FAT3: variants seen among roughly 807,000 people sequenced by gnomAD.
FAT3 encodes the protein FAT atypical cadherin 3.
FAT3 carries 95 observed loss-of-function variants against 310.2 expected under a neutral mutation model. The observed-to-expected ratio is 0.31, with a 90% CI of 0.26 to 0.36. FAT3 has a LOEUF of 0.36. Among genes scored for constraint, FAT3 ranks in the 10% least tolerant of loss-of-function variants. The pLI, the probability that FAT3 is intolerant of heterozygous loss-of-function variation, is 1.00. For missense variants in FAT3, 5,408 were observed against 5,715.6 expected, an observed-to-expected ratio of 0.95 and a Z score of 1.74; for synonymous variants, 2,314 against 2,192.9, an observed-to-expected ratio of 1.06 and a Z score of -1.54.
intron 3 of FAT3, among the ~76,000 whole-genome samples, chr11:92,694,119 A>G (rs1017527282): frequency 6.6e-6 from 1 of 152,234 alleles, no homozygotes; most frequent in African/African-American, 2.4e-5. Context: ...TTTTCAGAAT[A>G]TTTACAGAAT....
At chr11:92,506,314 C>T (rs1015720731) in intron 2 of FAT3, among the ~76,000 whole-genome samples, 9 of 152,142 alleles carry the variant, frequency 5.9e-5, no homozygotes, top group South Asian at 2.1e-4. Context: ...CCTTTCTGGA[C>T]GCCTTTCCTC....
intron 3 of FAT3, among the ~76,000 whole-genome samples, chr11:92,601,973 A>G (rs1466486877): frequency 6.6e-6 from 1 of 152,140 alleles, no homozygotes; most frequent in Admixed American, 6.6e-5. Flanking sequence ...TGTTTAGAAC[A>G]TACTTGAATC....
At chr11:92,229,921 A>G (rs998858706) in intron 1 of FAT3, among the ~76,000 whole-genome samples, 2 of 152,056 alleles carry the variant, frequency 1.3e-5, no homozygotes, top group African/African-American at 4.8e-5. Flanking sequence ...CATAAACAAA[A>G]TATTACTTCC....
chr11:92,732,759 A>G (rs901262315), intron 4 of FAT3, among the ~76,000 whole-genome samples: 5 of 152,242 alleles, frequency 3.3e-5, no homozygotes, highest in Non-Finnish European at 7.3e-5. Context: ...AAACATTTAT[A>G]GAGAACCCAT....
intron 1 of FAT3, among the ~76,000 whole-genome samples, chr11:92,307,228 G>A (rs1947165209): frequency 6.8e-6 from 1 of 147,328 alleles, no homozygotes; most frequent in African/African-American, 2.5e-5. Context: ...GCCTGAGGCA[G>A]TTCCATACAA....
chr11:92,474,321 T>C (rs1951990663), intron 2 of FAT3, among the ~76,000 whole-genome samples: 1 of 152,294 alleles, frequency 6.6e-6, no homozygotes, highest in East Asian at 1.9e-4. Flanking sequence ...AGAGGTGATA[T>C]ACAAATATGT....
intron 2 of FAT3, among the ~76,000 whole-genome samples, chr11:92,395,208 T>G (rs1389538256): frequency 6.6e-6 from 1 of 152,244 alleles, no homozygotes; most frequent in African/African-American, 2.4e-5. Flanking sequence ...TTTGTCTTCC[T>G]GTAATGCTGA....
chr11:92,380,492 C>T (rs998161721), intron 2 of FAT3, among the ~76,000 whole-genome samples: 2 of 152,146 alleles, frequency 1.3e-5, no homozygotes, highest in African/African-American at 2.4e-5. Context: ...GACTGTGCTC[C>T]ATCACATGAG....
At chr11:92,530,654 C>A (rs1178639129) in intron 3 of FAT3, among the ~76,000 whole-genome samples, 1 of 151,958 alleles carries the variant, frequency 6.6e-6, no homozygotes. Context: ...TAGAATCAAG[C>A]AGAATTTGTT....
intron 1 of FAT3, among the ~76,000 whole-genome samples, chr11:92,279,597 G>C (rs1389633452): frequency 6.6e-6 from 1 of 152,140 alleles, no homozygotes; most frequent in Non-Finnish European, 1.5e-5. Context: ...ATGGGGGCAT[G>C]GGATATTTTG....
chr11:92,550,031 C>G (rs955269775), intron 3 of FAT3, among the ~76,000 whole-genome samples: 3 of 152,144 alleles, frequency 2.0e-5, no homozygotes, highest in Admixed American at 1.3e-4. Context: ...TAGGATTAAT[C>G]CCACTTCTGA....
intron 1 of FAT3, among the ~76,000 whole-genome samples, chr11:92,298,510 A>G (rs1946906725): frequency 6.6e-6 from 1 of 152,116 alleles, no homozygotes; most frequent in Non-Finnish European, 1.5e-5. Context: ...AAGAAGTGTT[A>G]TTAGATCATT....
intron 2 of FAT3, among the ~76,000 whole-genome samples, chr11:92,502,494 G>A (rs80160451): frequency 2.1e-3 from 322 of 152,172 alleles, no homozygotes; most frequent in African/African-American, 7.4e-3. Flanking sequence ...TCTTATAAGA[G>A]TGATGTCCAA....
At chr11:92,281,956 A>T (rs987592091) in intron 1 of FAT3, among the ~76,000 whole-genome samples, 13 of 151,880 alleles carry the variant, frequency 8.6e-5, no homozygotes, top group African/African-American at 2.9e-4. Context: ...CCCAGACTAG[A>T]GTGCAGTGGT....
chr11:92,652,893 T>C lies in FAT3; in HGVS notation c.3608-44491T>C, dbSNP rs150380516. ...AAATCCCCTTCTCAGACAGGCACAG[T>C]GGCTCACGCCTGTAATCCCAGCAGT... is the stretch of plus-strand genomic sequence containing the variant. On this transcript the variant is annotated intron_variant, in intron 3 of 27. Coordinates refer to ENST00000525166, the MANE Select transcript of FAT3 (RefSeq NM_001367949.2). Among the ~76,000 whole-genome samples, 700 of 152,286 alleles carry C rather than the reference T, an allele frequency of 4.6e-3. 4 individuals carry two copies. The highest frequency in any genetic ancestry group is 0.016 in the African/African-American group (667 of 41,566).
rs1359915818 is a variant in FAT3 at position 92,427,967 on chromosome 11, G to A, written c.3292+72563G>A. 3.3e-5 allele frequency among the ~76,000 whole-genome samples: 5 copies of A among 152,042 alleles called. No homozygotes were observed. In the South Asian group the frequency reaches 6.2e-4, roughly 19 times the overall value. On this transcript the variant is annotated intron_variant, in intron 2 of 27. Transcript: ENST00000525166. The stretch of plus-strand genomic sequence containing the variant: ...GGTATGAACTCCTCTTTGTACCTCT[G>A]GTAGAATTTGGCTGTGAATCCATCT...
intron 4 of FAT3, among the ~76,000 whole-genome samples, chr11:92,711,107 T>G (rs1944506170): frequency 6.6e-6 from 1 of 152,192 alleles, no homozygotes; most frequent in Non-Finnish European, 1.5e-5. Flanking sequence ...TTCCATAAAT[T>G]GATGATTGTG....
At chr11:92,780,212 A>C (rs1360359299) in intron 7 of FAT3, among the ~76,000 whole-genome samples, 1 of 141,902 alleles carries the variant, frequency 7.0e-6, no homozygotes, top group East Asian at 2.0e-4. Flanking sequence ...CCCTGGCTGG[A>C]GTGCAGTGGC....
chr11:92,259,882 G>A (rs1865471101), intron 1 of FAT3, among the ~76,000 whole-genome samples: 1 of 152,068 alleles, frequency 6.6e-6, no homozygotes, highest in Admixed American at 6.6e-5. Context: ...TCTTCCTTTT[G>A]GTGTTTTTCC....
Sources: gnomAD v4.1 joint callset for allele counts (sites outside exome capture counted in the v4.1 genomes callset) on GRCh38, gnomAD v4.1.1 for gene constraint, MANE v1.5 for transcripts, NCBI Gene and HGNC (gene_info 2026-07-23, HGNC 2026-07-21) for gene names.